FLT3: variants seen among roughly 807,000 people sequenced by gnomAD.
FLT3 encodes fms related receptor tyrosine kinase 3.
In FLT3, 46 loss-of-function variants were observed where a neutral mutation model predicts 126.6. That is an observed-to-expected ratio of 0.36 (90% confidence interval 0.29 to 0.46). The LOEUF (loss-of-function observed/expected upper bound fraction) is 0.46, where lower values mean the gene tolerates loss of function less well. FLT3 is among the 20% of genes least tolerant of loss of function. The probability of loss-of-function intolerance (pLI) is 1.00; values close to 1 mark genes in which losing one functional copy is unlikely to be tolerated. For missense variants in FLT3, 1,069 were observed against 1,190.3 expected (o/e 0.90, Z 1.50); for synonymous variants, 404 against 434.4 (o/e 0.93, Z 0.87).
intron 23 of FLT3, among the ~76,000 whole-genome samples, chr13:28,011,641 C>A (rs1871370653): frequency 2.1e-5 from 1 of 47,392 alleles, no homozygotes; most frequent in Admixed American, 2.0e-4. Flanking sequence ...CTCCTCCCAC[C>A]CGGGGAGGGG....
At chr13:28,009,945 C>T (rs1871219594) in intron 23 of FLT3, among the ~76,000 whole-genome samples, 1 of 152,050 alleles carries the variant, frequency 6.6e-6, no homozygotes, top group African/African-American at 2.4e-5. Context: ...AGTTCAGACC[C>T]CTTTTCTGAA....
rs1873884586 is a variant in FLT3, at chr13:28,036,936, A to G, written c.1309+249T>C. On this transcript the variant is annotated intron_variant, in intron 10 of 23. Coordinates refer to ENST00000241453, the MANE Select transcript of FLT3 (RefSeq NM_004119.3). ...AGCTACAGGGATCTATGATTGTGCC[A>G]TGGCACCCCAGCCTGCGTGGTAGAG... 2.6e-5 allele frequency among the ~76,000 whole-genome samples: 4 copies of G among 152,352 alleles called. No homozygotes were observed. The South Asian group carries it at 6.2e-4, about 24-fold the overall frequency.
chr13:28,091,057 C>G (rs1464156394), intron 1 of FLT3, among the ~76,000 whole-genome samples: 2 of 151,964 alleles, frequency 1.3e-5, no homozygotes, highest in Non-Finnish European at 2.9e-5. Context: ...CATCATGAAA[C>G]AAACCAGAGG....
At chr13:28,038,499 C>CTGGA (rs1371605719) in intron 9 of FLT3, among the ~76,000 whole-genome samples, 3 of 150,726 alleles carry the variant, frequency 2.0e-5, no homozygotes, top group African/African-American at 7.3e-5. Flanking sequence ...GTCTCCCAGG[C>CTGGA]TGGAGTGCAG....
chr13:28,044,636 A>G (rs546600314), intron 9 of FLT3, among the ~76,000 whole-genome samples: 1 of 152,126 alleles, frequency 6.6e-6, no homozygotes, highest in Non-Finnish European at 1.5e-5. Flanking sequence ...TTTCTCATGA[A>G]GAAGGAGGGC....
Position 28,014,537 on chromosome 13 carries a change from C to G in FLT3, c.2774G>C (p.Cys925Ser). The G allele has an allele frequency of 6.2e-7, 1 of 1,613,428 alleles. No individual in the cohort carries two copies. The highest frequency in any genetic ancestry group is 8.5e-7 in the Non-Finnish European group (1 of 1,179,412). ...CCGTTTCCTTGAGTCAAAAGCCCAG[C>G]AGGATTGCATTATAATGTATCTGTA... ...TEEIYIIMQS[C>S]WAFDSRKRPS... Residue 925 changes from cysteine (C) to serine (S), a missense_variant, in exon 23 of 24, where the codon TGC (cysteine) becomes TCC (serine). Physicochemically the swap from Cys to Ser is moderately radical, Grantham distance 112. Coordinates refer to ENST00000241453, the MANE Select transcript of FLT3 (RefSeq NM_004119.3).
Position 28,052,567 on chromosome 13 carries a change from G to A in FLT3, c.592C>T (p.Leu198Phe), listed in dbSNP as rs144349858. 328 of 1,613,308 alleles carry A rather than the reference G, an allele frequency of 2.0e-4. No homozygotes were observed. Among genetic ancestry groups the A allele is most frequent in the Non-Finnish European group, 2.6e-4 (312 of 1,179,644 alleles). ...TACCTTTCCCCCTGTGAATCGCAAA[G>A]CACCCATTCCACGATCGGCTCTGGA... ...SVPEPIVEWV[L>F]CDSQGESCKE... The change falls in exon 5 of 24, where the codon CTT (leucine) becomes TTT (phenylalanine). Residue 198 changes from leucine to phenylalanine, a missense_variant. Leu to Phe is a conservative substitution (Grantham distance 22). Transcript: ENST00000241453.
Position 28,004,016 on chromosome 13 carries a change from G to C in FLT3, c.*36C>G. 3 of 1,612,844 alleles carry C rather than the reference G, an allele frequency of 1.9e-6. No individual in the cohort carries two copies. Among genetic ancestry groups the C allele is most frequent in the Non-Finnish European group, 2.5e-6 (3 of 1,178,916 alleles). On this transcript the variant is annotated 3_prime_UTR_variant, in exon 24 of 24. Coordinates refer to ENST00000241453, the MANE Select transcript of FLT3 (RefSeq NM_004119.3). ...GTAATCTACAGCCTGTTAGGGATAG[G>C]TGGAGGGATGAAGTCCTTAAAACTA...
At chr13:28,041,526 T>A (rs996077024) in intron 9 of FLT3, among the ~76,000 whole-genome samples, 1 of 152,196 alleles carries the variant, frequency 6.6e-6, no homozygotes, top group Non-Finnish European at 1.5e-5. Context: ...GAAACATTTT[T>A]CACTCTTCTG....
chr13:28,064,465 T>C (rs529388646), intron 2 of FLT3, among the ~76,000 whole-genome samples: 27 of 151,818 alleles, frequency 1.8e-4, no homozygotes, highest in Non-Finnish European at 3.5e-4. Context: ...CCCAGCTACT[T>C]GGGAGGCTGA....
At chr13:28,029,795 A>G (rs1645062271) in intron 15 of FLT3, among the ~76,000 whole-genome samples, 1 of 152,252 alleles carries the variant, frequency 6.6e-6, no homozygotes, top group South Asian at 2.1e-4. Context: ...ACTGCCAAGC[A>G]GGCTAGAACA....
At chr13:28,022,108 G>A (rs983738432) in intron 19 of FLT3, among the ~76,000 whole-genome samples, 1 of 152,098 alleles carries the variant, frequency 6.6e-6, no homozygotes, top group Admixed American at 6.6e-5. Flanking sequence ...TGCGATCCTA[G>A]CTCACTGCAG....
intron 1 of FLT3, among the ~76,000 whole-genome samples, chr13:28,085,160 T>G (rs1215232150): frequency 1.3e-5 from 2 of 150,104 alleles, no homozygotes; most frequent in Non-Finnish European, 3.0e-5. Context: ...CTGGCCAACG[T>G]GGTGAAACCC....
At chr13:28,070,102 G>A (rs1425728947) in intron 2 of FLT3, among the ~76,000 whole-genome samples, 1 of 152,184 alleles carries the variant, frequency 6.6e-6, no homozygotes, top group Non-Finnish European at 1.5e-5. Context: ...TCAACAGAAT[G>A]AGACTGTCTC....
intron 1 of FLT3, among the ~76,000 whole-genome samples, chr13:28,095,362 A>G (rs1031491889): frequency 1.1e-4 from 16 of 151,550 alleles, no homozygotes; most frequent in African/African-American, 3.9e-4. Context: ...TGCAACCTCC[A>G]CCTCCCAGGT....
chr13:28,035,606 C>T lies in FLT3; in HGVS notation c.1486G>A (p.Val496Met). ...KANRKVFGQW[V>M]SSSTLNMSEA... The stretch of plus-strand genomic sequence containing the variant: ...CTCATGTTTAGAGTACTGCTCGACA[C>T]CCACTGTCCAAACACTTTTCTGTTA... The change falls in exon 12 of 24, where the codon GTG (valine) becomes ATG (methionine). Residue 496 changes from valine to methionine, a missense_variant. Coordinates refer to ENST00000241453, the MANE Select transcript of FLT3 (RefSeq NM_004119.3). 1 of 1,614,150 alleles carries T rather than the reference C, an allele frequency of 6.2e-7. No individual in the cohort carries two copies. Among genetic ancestry groups the T allele is most frequent in the Admixed American group, 1.7e-5 (1 of 60,024 alleles).
chr13:28,033,575 G>C (rs2137671138), intron 15 of FLT3, among the ~76,000 whole-genome samples: 1 of 152,294 alleles, frequency 6.6e-6, no homozygotes, highest in Non-Finnish European at 1.5e-5. Context: ...GAGCCCAGGG[G>C]GTGGAGGCTG....
At position 28,100,521 on chromosome 13, in the gene FLT3, G is replaced by A; in HGVS notation, c.-11C>T. 8.2e-7 allele frequency: 1 copy of A among 1,214,288 alleles called. No individual in the cohort carries two copies. The highest frequency in any genetic ancestry group is 1.0e-6 in the Non-Finnish European group (1 of 976,568). The allele number at this position is 1,214,288 out of a possible 1,614,324, so 75.2% of individuals were successfully genotyped here. A position where few individuals can be genotyped will look rare whatever the true frequency, so the allele number is the denominator to read the frequency against. ...CGCCAACGCCGGCATGGCCTCCGGA[G>A]CCCGGGGTCCCCAGGCCGCGCCGGC... On this transcript the variant is annotated 5_prime_UTR_variant, in exon 1 of 24. Transcript: ENST00000241453. The surrounding 1 kb of genome is among the most constrained non-coding windows in gnomAD (Gnocchi z 4.8).
intron 3 of FLT3, among the ~76,000 whole-genome samples, chr13:28,060,891 C>G (rs1489215227): frequency 6.6e-6 from 1 of 151,914 alleles, no homozygotes; most frequent in East Asian, 1.9e-4. Context: ...AGGCATGAGC[C>G]ACTGCACCCA....
Sources: gnomAD v4.1 joint callset for allele counts (sites outside exome capture counted in the v4.1 genomes callset) on GRCh38, gnomAD v4.1.1 for gene constraint, Gnocchi (gnomAD v3.1) non-coding constraint, MANE v1.5 for transcripts, NCBI Gene and HGNC (gene_info 2026-07-23, HGNC 2026-07-21) for gene names.